NFIA: variants seen among roughly 807,000 people sequenced by gnomAD.
NFIA encodes nuclear factor 1 A-type.
In NFIA, 8 loss-of-function variants were observed where a neutral mutation model predicts 62.8. The ratio of observed to expected loss-of-function variants is 0.13; its 90% CI spans 0.07 to 0.23. NFIA has a LOEUF of 0.23. Ranked by LOEUF, NFIA falls within the 10% of genes least tolerant of loss-of-function variation. The pLI, the probability that NFIA is intolerant of heterozygous loss-of-function variation, is 1.00. For synonymous variants in NFIA, 235 were observed against 238.1 expected (o/e 0.99, Z 0.12); for missense variants, 410 against 642.1 (o/e 0.64, Z 3.91).
intron 6 of NFIA, among the ~76,000 whole-genome samples, chr1:61,372,997 C>T (rs1265190040): frequency 3.3e-5 from 5 of 152,154 alleles, no homozygotes; most frequent in African/African-American, 1.2e-4. Flanking sequence ...TTCCAGTATT[C>T]ATAAGCACTA....
intron 2 of NFIA, among the ~76,000 whole-genome samples, chr1:61,230,276 C>A (rs1438919275): frequency 6.6e-6 from 1 of 151,966 alleles, no homozygotes; most frequent in Non-Finnish European, 1.5e-5. Context: ...CTAGAAATAA[C>A]CTTAAAATAA....
intron 6 of NFIA, among the ~76,000 whole-genome samples, chr1:61,367,725 G>T (rs997742320): frequency 6.6e-5 from 10 of 152,038 alleles, no homozygotes; most frequent in Admixed American, 1.3e-4. Context: ...TCAGAAAAGG[G>T]CCTAAAACAG....
chr1:61,239,213 A>C (rs1482538909), intron 2 of NFIA, among the ~76,000 whole-genome samples: 1 of 152,180 alleles, frequency 6.6e-6, no homozygotes, highest in Non-Finnish European at 1.5e-5. Context: ...GTAGTACTCT[A>C]GAATGGCAAT....
At chr1:61,406,873 A>C in intron 9 of NFIA, 146 bp downstream of exon 9, 2 of 929,058 alleles carry the variant, frequency 2.2e-6, no homozygotes, top group Non-Finnish European at 3.1e-6. Flanking sequence ...CAGACCGAGA[A>C]TCAAAGTGAA....
chr1:61,141,415 A>AG (rs1491149280), intron 2 of NFIA, among the ~76,000 whole-genome samples: 13 of 62,216 alleles, frequency 2.1e-4, no homozygotes, highest in South Asian at 5.3e-4. Context: ...CCCTTTACTC[A>AG]GGGGGAAAAA....
At chr1:61,156,111 G>A (rs2100528866) in intron 2 of NFIA, among the ~76,000 whole-genome samples, 1 of 152,308 alleles carries the variant, frequency 6.6e-6, no homozygotes, top group Non-Finnish European at 1.5e-5. Context: ...TCCAGCCTGG[G>A]CGACAGAGCG....
intron 2 of NFIA, among the ~76,000 whole-genome samples, chr1:61,134,780 A>G (rs974457049): frequency 6.6e-6 from 1 of 152,208 alleles, no homozygotes; most frequent in Non-Finnish European, 1.5e-5. Context: ...GTTTGAGTCC[A>G]GGAGTTCAAG....
chr1:61,081,003 C>T (rs11207693), upstream of NFIA, among the ~76,000 whole-genome samples: 1,214 of 152,248 alleles, frequency 8.0e-3, 10 homozygotes, highest in African/African-American at 0.028. Context: ...CCCTCACTTT[C>T]CTACAGGAAT....
chr1:61,461,205 T>C lies in NFIA; in HGVS notation c.*5885T>C, dbSNP rs1049189907. The C allele has an allele frequency of 1.3e-5, 2 of 152,172 alleles. No individual in the cohort carries two copies. Among genetic ancestry groups the C allele is most frequent in the Non-Finnish European group, 2.9e-5 (2 of 68,032 alleles). 9.4% of individuals were successfully genotyped at this position (152,172 alleles called of 1,614,324 possible). On this transcript the variant is annotated 3_prime_UTR_variant, in exon 11 of 11. Coordinates refer to ENST00000403491, the MANE Select transcript of NFIA (RefSeq NM_001134673.4). ...CTGATGCTATGCGGAGACTGATACA[T>C]TTTCTTAATGGACAATGTTCAAGCC... is the stretch of plus-strand genomic sequence containing the variant.
rs533564326 is a variant in NFIA, at chr1:61,087,041, C to T, written c.28-1108C>T. On this transcript the variant is annotated intron_variant, in intron 1 of 10. Transcript: ENST00000403491. ...AGTTAATCAAAAGTTAGACGTACTC[C>T]GAAAGCTTTGTGGAGGTTACTGCTT... Among the ~76,000 whole-genome samples, 9 of 151,932 alleles carry T rather than the reference C, an allele frequency of 5.9e-5. No individual in the cohort carries two copies. In the South Asian group the frequency reaches 1.5e-3, roughly 25 times the overall value.
intron 2 of NFIA, among the ~76,000 whole-genome samples, chr1:61,234,452 C>A (rs1403705836): frequency 6.6e-6 from 1 of 151,384 alleles, no homozygotes; most frequent in South Asian, 2.1e-4. Context: ...ATAATCCTTG[C>A]GTTATGCGGG....
intron 3 of NFIA, among the ~76,000 whole-genome samples, chr1:61,326,497 C>G (rs1174232056): frequency 6.6e-6 from 1 of 151,602 alleles, no homozygotes; most frequent in Non-Finnish European, 1.5e-5. Context: ...TAGGTGAGCC[C>G]AGTTTGAGTT....
intron 6 of NFIA, among the ~76,000 whole-genome samples, chr1:61,369,434 G>A (rs6587922): frequency 0.21 from 31,967 of 151,946 alleles, 3,839 homozygotes; most frequent in East Asian, 0.36. Context: ...AAGACAGAGC[G>A]ATCATTGATA....
chr1:61,093,369 A>G (rs1646354446), intron 2 of NFIA, among the ~76,000 whole-genome samples: 1 of 152,146 alleles, frequency 6.6e-6, no homozygotes, highest in South Asian at 2.1e-4. Flanking sequence ...TACACTGTAT[A>G]TTGTAAAACT....
chr1:61,158,174 AAAT>A (rs1173790073), intron 2 of NFIA, among the ~76,000 whole-genome samples: 9 of 152,244 alleles, frequency 5.9e-5, no homozygotes, highest in African/African-American at 2.2e-4. Context: ...TCATCTTTGA[AAAT>A]AATAGGATTA....
intron 9 of NFIA, among the ~76,000 whole-genome samples, chr1:61,410,249 T>C (rs1211767911): frequency 6.6e-6 from 1 of 152,128 alleles, no homozygotes; most frequent in African/African-American, 2.4e-5. Flanking sequence ...AGCTATTCAG[T>C]AGGGATGACA....
intron 6 of NFIA, among the ~76,000 whole-genome samples, chr1:61,375,826 G>T (rs977280906): frequency 5.3e-5 from 8 of 152,034 alleles, no homozygotes; most frequent in African/African-American, 1.9e-4. Context: ...CTATTTTTCT[G>T]CTCTCCTGTG....
rs184362171 is a variant in NFIA at position 61,337,059 on chromosome 1, T to C, written c.700+4473T>C. Among the ~76,000 whole-genome samples, 287 of 152,356 alleles carry C rather than the reference T, an allele frequency of 1.9e-3. 2 individuals carry two copies. The highest frequency in any genetic ancestry group is 2.8e-4 in the Non-Finnish European group (19 of 68,034). ...CTATTTCAGTATTTCCTCATGTGGA[T>C]TCACTGAAATAACTATGTCCTAAGT... On this transcript the variant is annotated intron_variant, in intron 4 of 10. Coordinates refer to ENST00000403491, the MANE Select transcript of NFIA (RefSeq NM_001134673.4).
intron 4 of NFIA, among the ~76,000 whole-genome samples, chr1:61,338,013 A>G (rs1280788076): frequency 1.4e-5 from 2 of 142,166 alleles, no homozygotes; most frequent in Non-Finnish European, 1.6e-5. Context: ...GGAAAACCGC[A>G]AATACACACA....
Sources: allele counts gnomAD v4.1 joint callset (sites outside exome capture counted in the v4.1 genomes callset), GRCh38; gene constraint gnomAD v4.1.1; transcripts MANE v1.5; gene names NCBI Gene and HGNC (gene_info 2026-07-23, HGNC 2026-07-21).